The following DCTN2 variants were observed in gnomAD, a reference collection of about 807,000 sequenced individuals.
DCTN2 encodes the protein 50 kDa dynein-associated polypeptide.
DCTN2 carries 18 observed loss-of-function variants against 55.4 expected under a neutral mutation model. The ratio of observed to expected loss-of-function variants is 0.32; its 90% CI spans 0.22 to 0.48. DCTN2 has a LOEUF of 0.48. DCTN2 is among the 20% of genes least tolerant of loss of function. The probability of loss-of-function intolerance (pLI) is 0.99; values close to 1 mark genes in which losing one functional copy is unlikely to be tolerated. For missense variants in DCTN2, 390 were observed against 491.0 expected (o/e 0.79, Z 1.94); for synonymous variants, 168 against 185.2 (o/e 0.91, Z 0.76).
At chr12:57,537,481 G>T (rs1163163681) in intron 2 of DCTN2, among the ~76,000 whole-genome samples, 1 of 152,030 alleles carries the variant, frequency 6.6e-6, no homozygotes. Flanking sequence ...ATCTCTGCCT[G>T]TGTGTAGGTA....
chr12:57,544,091 T>C, intron 2 of DCTN2: 1 of 446,496 alleles, frequency 2.2e-6, no homozygotes, highest in African/African-American at 2.0e-5. Context: ...AAGGACTGAG[T>C]TCTATTCATT....
Position 57,530,537 on chromosome 12 carries a change from G to T in DCTN2, c.*152C>A. 1.6e-6 allele frequency: 1 copy of T among 630,210 alleles called. No homozygotes were observed. Among genetic ancestry groups the T allele is most frequent in the East Asian group, 2.8e-5 (1 of 35,882 alleles). The allele number at this position is 630,210 out of a possible 1,614,324, so 39.0% of individuals were successfully genotyped here. ...TACCACTCTGTATTCATCAGGGGAG[G>T]GGTATAAACCCCACATGCAAGAAGA... On this transcript the variant is annotated 3_prime_UTR_variant, in exon 14 of 14. Coordinates refer to ENST00000548249, the MANE Select transcript of DCTN2 (RefSeq NM_001261413.2).
chr12:57,533,886 G>C, intron 7 of DCTN2, 67 bp downstream of exon 7: 4 of 1,497,670 alleles, frequency 2.7e-6, no homozygotes, highest in Non-Finnish European at 3.6e-6. Context: ...TCCTTGGAGA[G>C]AGGCAGGAAA....
rs1879572543 is a variant in DCTN2 at position 57,530,551 on chromosome 12, C to T, written c.*138G>A. ...CATCAGGGGAGGGGTATAAACCCCA[C>T]ATGCAAGAAGAACCCTTGCCCCCAG... is the stretch of plus-strand genomic sequence containing the variant. On this transcript the variant is annotated 3_prime_UTR_variant, in exon 14 of 14. Transcript: ENST00000548249. 6 of 733,978 alleles carry T rather than the reference C, an allele frequency of 8.2e-6. No homozygotes were observed. Among genetic ancestry groups the T allele is most frequent in the Non-Finnish European group, 9.0e-6 (4 of 443,540 alleles). 45.5% of individuals were successfully genotyped at this position (733,978 alleles called of 1,614,324 possible).
At chr12:57,542,758 G>A (rs1021848698) in intron 2 of DCTN2, 22 of 454,038 alleles carry the variant, frequency 4.8e-5, no homozygotes, top group Non-Finnish European at 9.7e-5. Context: ...GGCAAAGGTT[G>A]CAGTGAGACA....
At chr12:57,545,976 T>C in intron 2 of DCTN2, 52 bp downstream of exon 2, 1 of 1,584,580 alleles carries the variant, frequency 6.3e-7, no homozygotes, top group Non-Finnish European at 8.7e-7. Context: ...AGGACCTGTC[T>C]AGGGGAGAAA....
intron 2 of DCTN2, among the ~76,000 whole-genome samples, chr12:57,543,382 A>T (rs946471153): frequency 1.3e-5 from 2 of 151,892 alleles, no homozygotes; most frequent in African/African-American, 2.4e-5. Flanking sequence ...GGTGACTGAA[A>T]ATCTCATGGT....
At chr12:57,544,380 G>A (rs762085445) in intron 2 of DCTN2, among the ~76,000 whole-genome samples, 9 of 120,582 alleles carry the variant, frequency 7.5e-5, no homozygotes, top group Non-Finnish European at 1.6e-4. Flanking sequence ...TTGTTATATT[G>A]TATTTTTAAA....
In DCTN2 at chr12:57,534,311, G is replaced by T. The variant is rs991827345; in HGVS notation, c.505C>A (p.Pro169Thr). The change falls in exon 6 of 14, where the codon CCC becomes ACC. Residue 169 changes from proline to threonine, a missense_variant. Transcript: ENST00000548249. ...GPDAAINLTD[P>T]DGALAKRLLL... ...ACCCACTTAGCCAGGGCGCCATCGGGGTCGGTAAGGTTGATTGCAGCATCT... is the reference window on the plus strand; with the variant it reads ...ACCCACTTAGCCAGGGCGCCATCGGTGTCGGTAAGGTTGATTGCAGCATCT... 2 of 1,595,654 alleles carry T rather than the reference G, an allele frequency of 1.3e-6. No homozygotes were observed. The highest frequency in any genetic ancestry group is 1.7e-6 in the Non-Finnish European group (2 of 1,167,138).
chr12:57,531,792 A>G (rs1006493403), intron 13 of DCTN2, among the ~76,000 whole-genome samples: 1 of 152,196 alleles, frequency 6.6e-6, no homozygotes, highest in Non-Finnish European at 1.5e-5. Context: ...CCTCATCTAC[A>G]TAACTCTGAG....
rs997951259 is a variant in DCTN2 at position 57,530,758 on chromosome 12, A to C, written c.1137T>G (p.Arg379=). The change falls in exon 14 of 14, where the codon CGT becomes CGG. Residue 379 remains arginine (R), a synonymous_variant. Transcript: ENST00000548249. ...TCCCCTCAACTGTGGCCAGGTTTTC[A>C]CGCATGGTTGTCTGCACCTACAAAG... ...TLLTQVQTTM[R]ENLATVEGNF... 33 of 1,613,876 alleles carry C rather than the reference A, an allele frequency of 2.0e-5. No individual in the cohort carries two copies. Among genetic ancestry groups the C allele is most frequent in the Non-Finnish European group, 2.7e-5 (32 of 1,179,796 alleles).
intron 2 of DCTN2, chr12:57,544,130 C>A (rs1227955190): frequency 2.2e-6 from 1 of 453,712 alleles, no homozygotes; most frequent in East Asian, 7.0e-5. Context: ...GAAGCCTAGG[C>A]CTAAGTTGAA....
At position 57,534,462 on chromosome 12, in the gene DCTN2, A is replaced by T. The variant is rs1168473293; in HGVS notation, c.364-10T>A. ...ACTCCTTCACTGTCGTCTAGTATGA[A>T]AAAAGGTAGAAATCGGGGGATGGCA... On this transcript the variant is annotated splice_polypyrimidine_tract_variant and intron_variant, in intron 5 of 13. Coordinates refer to ENST00000548249, the MANE Select transcript of DCTN2 (RefSeq NM_001261413.2). 1 of 1,571,412 alleles carries T rather than the reference A, an allele frequency of 6.4e-7. No individual in the cohort carries two copies. Among genetic ancestry groups the T allele is most frequent in the African/African-American group, 1.4e-5 (1 of 73,228 alleles).
chr12:57,534,156 C>T, intron 6 of DCTN2, 59 bp from the exon 7 acceptor site: 1 of 1,534,440 alleles, frequency 6.5e-7, no homozygotes, highest in South Asian at 1.3e-5. Context: ...AGTCACTCTC[C>T]CTCACTTTTG....
rs139404830 is a variant in DCTN2, at chr12:57,542,588, T to A, written c.105+3440A>T. Among the ~76,000 whole-genome samples, 45 of 151,518 alleles carry A rather than the reference T, an allele frequency of 3.0e-4. No homozygotes were observed. The East Asian group carries it at 8.9e-3, about 30-fold the overall frequency. On this transcript the variant is annotated intron_variant, in intron 2 of 13. Coordinates refer to ENST00000548249, the MANE Select transcript of DCTN2 (RefSeq NM_001261413.2). ...ATCCCAGCACTTTGGGAGGCCAAGA[T>A]GGATGGATCACTTGAGGCCAGGAGT...
intron 13 of DCTN2, 67 bp downstream of exon 13, chr12:57,531,948 A>G (rs189405048): frequency 8.3e-5 from 128 of 1,550,462 alleles, no homozygotes; most frequent in Middle Eastern, 3.3e-4. Flanking sequence ...GCAGAACCCT[A>G]TAACACTGGA....
Position 57,541,286 on chromosome 12 carries a change from A to G in DCTN2, c.105+4742T>C, listed in dbSNP as rs1481297912. 5.8e-6 allele frequency: 9 copies of G among 1,554,738 alleles called. No individual in the cohort carries two copies. The African/African-American group carries it at 1.1e-4, about 19-fold the overall frequency. On this transcript the variant is annotated intron_variant, in intron 2 of 13. Coordinates refer to ENST00000548249, the MANE Select transcript of DCTN2 (RefSeq NM_001261413.2). ...GAATTTAAAACGATTAGCTACAACAATAGCACAGTGGCAGAGCATTGCATG... is the reference window on the plus strand; with the variant it reads ...GAATTTAAAACGATTAGCTACAACAGTAGCACAGTGGCAGAGCATTGCATG...
chr12:57,544,260 T>C lies in DCTN2; in HGVS notation c.105+1768A>G, dbSNP rs116286189. On this transcript the variant is annotated intron_variant, in intron 2 of 13. Transcript: ENST00000548249. ...AATCTGCATATGTTCCCATCTTCTATATAAATTGGCATAGTAACTGCATAT... is the reference window on the plus strand; with the variant it reads ...AATCTGCATATGTTCCCATCTTCTACATAAATTGGCATAGTAACTGCATAT... The C allele has an allele frequency of 2.6e-3, 915 of 356,016 alleles. 10 individuals are homozygous for C. Among genetic ancestry groups the C allele is most frequent in the African/African-American group, 0.018 (837 of 47,000 alleles). The allele number at this position is 356,016 out of a possible 1,614,324, so 22.1% of individuals were successfully genotyped here. A position where few individuals can be genotyped will look rare whatever the true frequency, so the allele number is the denominator to read the frequency against.
chr12:57,542,962 C>T (rs1880821078), intron 2 of DCTN2: 2 of 455,860 alleles, frequency 4.4e-6, no homozygotes, highest in South Asian at 1.5e-5. Context: ...ATCCTCTGTT[C>T]CCTGTGCATA....
Sources: allele counts gnomAD v4.1 joint callset (sites outside exome capture counted in the v4.1 genomes callset), GRCh38; gene constraint gnomAD v4.1.1; transcripts MANE v1.5; gene names NCBI Gene and HGNC (gene_info 2026-07-23, HGNC 2026-07-21).